The following MTCL2 variants were observed in gnomAD, a reference collection of about 807,000 sequenced individuals.
The protein encoded by MTCL2 is microtubule crosslinking factor 2.
At chr20:36,796,388 C>T in the MTCL2 span, among the ~76,000 whole-genome samples, 1 of 152,164 alleles carries the variant, frequency 6.6e-6, no homozygotes, top group African/African-American at 2.4e-5. Flanking sequence ...GGTCTGATAG[C>T]GGCTGGGGGT....
At chr20:36,822,826 C>T in the MTCL2 span, among the ~76,000 whole-genome samples, 2 of 151,030 alleles carry the variant, frequency 1.3e-5, no homozygotes, top group South Asian at 2.1e-4. Flanking sequence ...GGCATGATCT[C>T]GGCTCACTGC....
chr20:36,802,128 AT>A, the MTCL2 span, among the ~76,000 whole-genome samples: 1 of 152,018 alleles, frequency 6.6e-6, no homozygotes, highest in African/African-American at 2.4e-5. Flanking sequence ...TCTACTAAAA[AT>A]ATAAAAATTA....
At chr20:36,813,671 C>T in the MTCL2 span, among the ~76,000 whole-genome samples, 9 of 127,708 alleles carry the variant, frequency 7.0e-5, no homozygotes, top group Non-Finnish European at 9.4e-5. Context: ...ACCCGGAAGG[C>T]GGAGACAGGA....
the MTCL2 span, chr20:36,777,733 C>A: frequency 3.5e-6 from 2 of 566,852 alleles, no homozygotes; most frequent in East Asian, 3.5e-5. Context: ...CCCATGACTG[C>A]AGGACCCTCA....
At chr20:36,823,152 G>C in the MTCL2 span, among the ~76,000 whole-genome samples, 1,216 of 152,326 alleles carry the variant, frequency 8.0e-3, 16 homozygotes, top group African/African-American at 0.028. Context: ...TGGCCACAGA[G>C]AGAGGCCATG....
the MTCL2 span, among the ~76,000 whole-genome samples, chr20:36,841,122 C>G: frequency 8.6e-6 from 1 of 116,826 alleles, no homozygotes; most frequent in Non-Finnish European, 1.6e-5. Flanking sequence ...CCAGCCTGGC[C>G]AACATGGTGA....
At chr20:36,845,936 C>T in the MTCL2 span, among the ~76,000 whole-genome samples, 1 of 152,108 alleles carries the variant, frequency 6.6e-6, no homozygotes, top group Admixed American at 6.6e-5. Context: ...AGCTCCCAGA[C>T]CCCCTAACTG....
At chr20:36,846,317 C>A in the MTCL2 span, among the ~76,000 whole-genome samples, 19 of 152,320 alleles carry the variant, frequency 1.2e-4, no homozygotes, top group Middle Eastern at 6.8e-3. Context: ...AGCCTTGGGG[C>A]CCCTGACCCT....
At chr20:36,863,129 C>T in the MTCL2 span, 1 of 1,397,072 alleles carries the variant, frequency 7.2e-7, no homozygotes, top group Non-Finnish European at 9.3e-7. The surrounding 1 kb of genome is among the most constrained non-coding windows in gnomAD (Gnocchi z 6.2). Flanking sequence ...CGCGCCCCTT[C>T]TTGTCCGGCC....
chr20:36,793,774 G>A, the MTCL2 span: 2 of 1,541,086 alleles, frequency 1.3e-6, no homozygotes, highest in South Asian at 2.4e-5. The surrounding 1 kb of genome is among the most constrained non-coding windows in gnomAD (Gnocchi z 6.8). Flanking sequence ...CATACTTGGG[G>A]GAGCAGCAGG....
the MTCL2 span, chr20:36,804,976 A>C: frequency 1.3e-6 from 2 of 1,536,946 alleles, no homozygotes; most frequent in Non-Finnish European, 1.8e-6. Context: ...CAGAGAACTC[A>C]CCTAGGAGTC....
the MTCL2 span, chr20:36,794,746 G>T: frequency 2.1e-6 from 2 of 965,078 alleles, no homozygotes; most frequent in Non-Finnish European, 1.6e-6. The surrounding 1 kb of genome is among the most constrained non-coding windows in gnomAD (Gnocchi z 5.4). Flanking sequence ...TTGGTGCCCA[G>T]TCCCACATTC....
chr20:36,783,358 A>T, the MTCL2 span: 1 of 152,204 alleles, frequency 6.6e-6, no homozygotes. Context: ...TGAAGTCATC[A>T]TTCCAAAAGG....
chr20:36,807,445 G>A, the MTCL2 span, among the ~76,000 whole-genome samples: 2 of 152,172 alleles, frequency 1.3e-5, no homozygotes, highest in Non-Finnish European at 2.9e-5. Context: ...AACCCAAAAG[G>A]ACACGGCCAA....
At chr20:36,817,310 A>C in the MTCL2 span, 13 of 1,025,214 alleles carry the variant, frequency 1.3e-5, no homozygotes, top group Middle Eastern at 3.0e-4. Flanking sequence ...AAAATGAGCA[A>C]GGGGAGGACA....
the MTCL2 span, among the ~76,000 whole-genome samples, chr20:36,860,913 C>T: frequency 6.6e-6 from 1 of 152,154 alleles, no homozygotes; most frequent in African/African-American, 2.4e-5. Context: ...CTGTGAGATC[C>T]CGGGCTCAAC....
the MTCL2 span, among the ~76,000 whole-genome samples, chr20:36,831,724 C>T: frequency 1.3e-5 from 2 of 152,208 alleles, no homozygotes; most frequent in Admixed American, 6.5e-5. Context: ...GGGTACCAGA[C>T]CTTCCTCATC....
the MTCL2 span, among the ~76,000 whole-genome samples, chr20:36,842,786 A>G: frequency 5.3e-5 from 8 of 152,166 alleles, no homozygotes; most frequent in East Asian, 1.9e-4. Context: ...AATAAAAAAA[A>G]AGAGAAACAG....
chr20:36,780,142 GT>G, the MTCL2 span: 1 of 152,162 alleles, frequency 6.6e-6, no homozygotes, highest in South Asian at 2.1e-4. Context: ...GTGACCTTGG[GT>G]GAGCCACTGC....
Sources: gnomAD v4.1 joint callset for allele counts (sites outside exome capture counted in the v4.1 genomes callset) on GRCh38, gnomAD v4.1.1 for gene constraint, Gnocchi (gnomAD v3.1) non-coding constraint, MANE v1.5 for transcripts, NCBI Gene and HGNC (gene_info 2026-07-23, HGNC 2026-07-21) for gene names.